The following GTF2A1L variants were observed in gnomAD, a reference collection of about 807,000 sequenced individuals.
GTF2A1L encodes TFIIA-alpha and beta-like factor.
Under a neutral mutation model 49.7 loss-of-function variants are expected in GTF2A1L, and 48 were observed. The observed-to-expected ratio is 0.97, with a 90% confidence interval of 0.77 to 1.23. GTF2A1L has a LOEUF of 1.23. Among genes scored for constraint, GTF2A1L ranks in the 50% most tolerant of loss-of-function variants. The pLI is 0.00. For missense variants in GTF2A1L, 736 were observed against 564.8 expected (o/e 1.30, Z -3.07); for synonymous variants, 246 against 193.5 (o/e 1.27, Z -2.25).
At chr2:48,649,156 G>T (rs944324817) in intron 6 of GTF2A1L, among the ~76,000 whole-genome samples, 1 of 152,016 alleles carries the variant, frequency 6.6e-6, no homozygotes, top group Non-Finnish European at 1.5e-5. Flanking sequence ...GACTCTTCTA[G>T]GTACTTTAAA....
chr2:48,621,007 C>A, intron 2 of GTF2A1L, 55 bp downstream of exon 2: 2 of 1,558,808 alleles, frequency 1.3e-6, no homozygotes, highest in Non-Finnish European at 1.7e-6. Flanking sequence ...TTTCAGCATA[C>A]AAAACTGATA....
rs564203548 is a variant in GTF2A1L at position 48,630,316 on chromosome 2, T to G, written c.247+9026T>G. 3.5e-5 allele frequency among the ~76,000 whole-genome samples: 5 copies of G among 144,202 alleles called. 2 individuals carry two copies. In the South Asian group the frequency reaches 1.2e-3, roughly 34 times the overall value. 94.6% of individuals were successfully genotyped at this position (144,202 alleles called of 152,430 possible). On this transcript the variant is annotated intron_variant, in intron 3 of 8. Transcript: ENST00000403751. ...TTTCAGCAGTGTTTTGTAGTTCTCCTTGTAGAGATCTTTCCCTTCCTTGAG... is the reference window on the plus strand; with the variant it reads ...TTTCAGCAGTGTTTTGTAGTTCTCCGTGTAGAGATCTTTCCCTTCCTTGAG...
At chr2:48,652,060 GA>G (rs1677881834) in intron 6 of GTF2A1L, among the ~76,000 whole-genome samples, 3 of 152,180 alleles carry the variant, frequency 2.0e-5, no homozygotes, top group South Asian at 2.1e-4. Context: ...TGCTTCTGAA[GA>G]AAAAAGTTGA....
At chr2:48,677,976 T>C (rs1679564003) in intron 8 of GTF2A1L, among the ~76,000 whole-genome samples, 1 of 63,516 alleles carries the variant, frequency 1.6e-5, no homozygotes, top group African/African-American at 4.3e-5. Flanking sequence ...AACTCTGAGA[T>C]GGGTGTGTGT....
rs17037474 is a variant in GTF2A1L at position 48,621,409 on chromosome 2, C to G, written c.247+119C>G. 1,892 of 1,373,816 alleles carry G rather than the reference C, an allele frequency of 1.4e-3. 16 individuals carry two copies. The African/African-American group carries it at 0.024, about 18-fold the overall frequency. The allele number at this position is 1,373,816 out of a possible 1,614,324, so 85.1% of individuals were successfully genotyped here. ...GGTGAGAAGGCTTGGACACCTAAAT[C>G]ATTTCTATTAAATGAACACAGTATA... On this transcript the variant is annotated intron_variant, in intron 3 of 8. Coordinates refer to ENST00000403751, the MANE Select transcript of GTF2A1L (RefSeq NM_006872.5).
At chr2:48,665,522 A>G (rs568882948) in intron 6 of GTF2A1L, among the ~76,000 whole-genome samples, 43 of 151,962 alleles carry the variant, frequency 2.8e-4, no homozygotes, top group South Asian at 8.3e-4. Flanking sequence ...TTATGTTTTC[A>G]TTTGCATTCA....
intron 6 of GTF2A1L, among the ~76,000 whole-genome samples, chr2:48,653,912 CTG>C (rs1678011103): frequency 2.3e-5 from 2 of 88,060 alleles, no homozygotes; most frequent in African/African-American, 1.0e-4. Context: ...CAGAGTGAGA[CTG>C]TGTCTCAAAA....
Position 48,623,890 on chromosome 2 carries a change from C to T in GTF2A1L, c.247+2600C>T, listed in dbSNP as rs988863291. 2.6e-5 allele frequency among the ~76,000 whole-genome samples: 4 copies of T among 152,204 alleles called. No homozygotes were observed. In the South Asian group the frequency reaches 6.2e-4, roughly 24 times the overall value. On this transcript the variant is annotated intron_variant, in intron 3 of 8. Coordinates refer to ENST00000403751, the MANE Select transcript of GTF2A1L (RefSeq NM_006872.5). The stretch of plus-strand genomic sequence containing the variant: ...ACATACAGACAGAAAGGTGCGAACA[C>T]TGGGTACTCCAAAAGGAGAGAAGGA...
chr2:48,656,670 C>A (rs1572750678), intron 6 of GTF2A1L, among the ~76,000 whole-genome samples: 2 of 151,970 alleles, frequency 1.3e-5, no homozygotes, highest in African/African-American at 4.8e-5. Context: ...TTAATAATGT[C>A]TTTTGAGCAC....
At chr2:48,632,026 C>A (rs1676606224) in intron 3 of GTF2A1L, among the ~76,000 whole-genome samples, 1 of 152,170 alleles carries the variant, frequency 6.6e-6, no homozygotes, top group South Asian at 2.1e-4. Context: ...TTGCTTCCAA[C>A]TGTTATTAGT....
At chr2:48,650,459 A>G (rs1487774325) in intron 6 of GTF2A1L, among the ~76,000 whole-genome samples, 1 of 152,216 alleles carries the variant, frequency 6.6e-6, no homozygotes, top group African/African-American at 2.4e-5. Flanking sequence ...TATGAGTGAA[A>G]AATGGAGTGA....
At chr2:48,644,915 T>A (rs1164519456) in intron 4 of GTF2A1L, 118 bp from the exon 5 acceptor site, 2 of 805,814 alleles carry the variant, frequency 2.5e-6, no homozygotes, top group Non-Finnish European at 3.8e-6. Flanking sequence ...ATATTAAATG[T>A]TAAGTATTGT....
intron 8 of GTF2A1L, among the ~76,000 whole-genome samples, chr2:48,672,540 T>A (rs1267706853): frequency 6.6e-6 from 1 of 152,122 alleles, no homozygotes; most frequent in Non-Finnish European, 1.5e-5. Flanking sequence ...AGACAGAGGA[T>A]GGCAGTGTAA....
At chr2:48,630,096 C>A (rs951516649) in intron 3 of GTF2A1L, among the ~76,000 whole-genome samples, 2 of 144,260 alleles carry the variant, frequency 1.4e-5, no homozygotes, top group African/African-American at 4.9e-5. Flanking sequence ...TTTGGCTGTT[C>A]AGGCTCCTTG....
At chr2:48,659,060 T>C (rs1558754683) in intron 6 of GTF2A1L, among the ~76,000 whole-genome samples, 2 of 152,178 alleles carry the variant, frequency 1.3e-5, no homozygotes, top group Non-Finnish European at 2.9e-5. Flanking sequence ...AAGTCTGCTG[T>C]TAATCTGATG....
chr2:48,634,541 T>C (rs536673155), intron 3 of GTF2A1L, among the ~76,000 whole-genome samples: 4 of 152,208 alleles, frequency 2.6e-5, no homozygotes, highest in Non-Finnish European at 4.4e-5. Flanking sequence ...ATCAGTCTTT[T>C]GTTTCCGTGA....
rs372106551 is a variant in GTF2A1L at position 48,646,457 on chromosome 2, C to T, written c.393C>T (p.His131=). 3 of 1,593,312 alleles carry T rather than the reference C, an allele frequency of 1.9e-6. No homozygotes were observed. The highest frequency in any genetic ancestry group is 2.2e-5 in the East Asian group (1 of 44,710). The change falls in exon 6 of 9, where the codon CAC becomes CAT. Residue 131 remains histidine (H), a synonymous_variant. Coordinates refer to ENST00000403751, the MANE Select transcript of GTF2A1L (RefSeq NM_006872.5). ...AGVTLQTVSG[H]LYKVNVPIMV... ...TTTTGCTTTCTCCTTTTTAAGGTCA[C>T]CTTTATAAAGTCAATGTACCAATTA...
intron 5 of GTF2A1L, 62 bp from the exon 6 acceptor site, chr2:48,646,391 G>A (rs1377244835): frequency 1.6e-6 from 2 of 1,240,760 alleles, no homozygotes; most frequent in Non-Finnish European, 2.1e-6. Flanking sequence ...TTTTTTTTGT[G>A]GTGGTTGTCA....
intron 6 of GTF2A1L, among the ~76,000 whole-genome samples, chr2:48,653,095 G>C (rs4952920): frequency 0.98 from 148,113 of 151,580 alleles, 72,389 homozygotes; most frequent in East Asian, 1. Flanking sequence ...CTGGCGTGCG[G>C]CTGTAGTCCC....
Sources: allele counts gnomAD v4.1 joint callset (sites outside exome capture counted in the v4.1 genomes callset), GRCh38; gene constraint gnomAD v4.1.1; transcripts MANE v1.5; gene names NCBI Gene and HGNC (gene_info 2026-07-23, HGNC 2026-07-21).